FHIT: variants seen among roughly 807,000 people sequenced by gnomAD.
FHIT encodes the protein bis(5'-adenosyl)-triphosphatase.
In FHIT, 19 loss-of-function variants were observed where a neutral mutation model predicts 17.9. The ratio of observed to expected loss-of-function variants is 1.06; its 90% CI spans 0.74 to 1.56. FHIT has a LOEUF of 1.56. FHIT is among the 40% of genes most tolerant of loss of function. The pLI is 0.00. For synonymous variants in FHIT, 81 were observed against 69.7 expected, an observed-to-expected ratio of 1.16 and a Z score of -0.81; for missense variants, 248 against 189.2, an observed-to-expected ratio of 1.31 and a Z score of -1.82.
intron 5 of FHIT, among the ~76,000 whole-genome samples, chr3:60,498,663 C>T (rs2034400843): frequency 6.6e-6 from 1 of 152,102 alleles, no homozygotes; most frequent in African/African-American, 2.4e-5. Flanking sequence ...ATTTGTACTC[C>T]ACTGCACTAG....
intron 4 of FHIT, among the ~76,000 whole-genome samples, chr3:60,793,154 T>A (rs1315724691): frequency 6.6e-6 from 1 of 152,238 alleles, no homozygotes; most frequent in Non-Finnish European, 1.5e-5. Context: ...CATTTGATTC[T>A]ATAGTATGTT....
chr3:61,206,518 T>G (rs1488563866), intron 1 of FHIT, among the ~76,000 whole-genome samples: 1 of 152,224 alleles, frequency 6.6e-6, no homozygotes, highest in South Asian at 2.1e-4. Flanking sequence ...TAGTTCTCCT[T>G]GAAGAGGTCC....
intron 5 of FHIT, among the ~76,000 whole-genome samples, chr3:60,235,483 G>A (rs1277769185): frequency 1.3e-5 from 2 of 152,032 alleles, no homozygotes; most frequent in Non-Finnish European, 2.9e-5. Flanking sequence ...GCTGGCCTCA[G>A]CCCCCAAAGT....
chr3:60,537,852 A>C (rs2036042040), intron 4 of FHIT, among the ~76,000 whole-genome samples: 1 of 152,174 alleles, frequency 6.6e-6, no homozygotes, highest in Middle Eastern at 3.2e-3. Context: ...AAACTACTTC[A>C]TTTTTCTAAT....
chr3:60,893,415 G>T (rs1553761139), intron 3 of FHIT, among the ~76,000 whole-genome samples: 1 of 152,082 alleles, frequency 6.6e-6, no homozygotes, highest in Non-Finnish European at 1.5e-5. Context: ...TTGTTATAGA[G>T]CCCTAGCCAA....
At chr3:59,794,553 C>T (rs1344541175) in intron 8 of FHIT, among the ~76,000 whole-genome samples, 2 of 152,192 alleles carry the variant, frequency 1.3e-5, no homozygotes, top group African/African-American at 4.8e-5. Context: ...TTTATATGCA[C>T]CTTTATATGT....
At chr3:59,968,637 C>G (rs764388281) in intron 7 of FHIT, among the ~76,000 whole-genome samples, 9 of 152,086 alleles carry the variant, frequency 5.9e-5, no homozygotes, top group Non-Finnish European at 1.2e-4. Flanking sequence ...CAGAGACTCA[C>G]AGAAATGGCA....
chr3:60,530,495 A>C (rs905846625), intron 5 of FHIT, among the ~76,000 whole-genome samples: 1 of 152,188 alleles, frequency 6.6e-6, no homozygotes, highest in Admixed American at 6.5e-5. Context: ...TCTATGATAA[A>C]AAATAAAGAT....
At chr3:61,245,594 A>G (rs961599590) in intron 1 of FHIT, among the ~76,000 whole-genome samples, 7 of 152,232 alleles carry the variant, frequency 4.6e-5, no homozygotes, top group Non-Finnish European at 1.0e-4. Context: ...TATGCACATT[A>G]AAATTAAAGA....
chr3:60,426,082 G>A (rs1421527828), intron 5 of FHIT, among the ~76,000 whole-genome samples: 1 of 152,150 alleles, frequency 6.6e-6, no homozygotes, highest in Admixed American at 6.6e-5. Flanking sequence ...CAATGGTCAA[G>A]AGCCTGGGCT....
At chr3:59,989,975 A>T (rs1019769580) in intron 7 of FHIT, among the ~76,000 whole-genome samples, 6 of 152,092 alleles carry the variant, frequency 3.9e-5, no homozygotes, top group Admixed American at 3.9e-4. Flanking sequence ...GGATGAGAAG[A>T]CAAACTCAGC....
chr3:60,406,870 T>C (rs1701881207), intron 5 of FHIT, among the ~76,000 whole-genome samples: 2 of 152,240 alleles, frequency 1.3e-5, no homozygotes, highest in South Asian at 4.2e-4. Flanking sequence ...TCTCCCTAAA[T>C]TCTGAATCTT....
intron 5 of FHIT, among the ~76,000 whole-genome samples, chr3:60,484,769 C>T (rs1461727419): frequency 6.6e-6 from 1 of 152,150 alleles, no homozygotes; most frequent in East Asian, 1.9e-4. Flanking sequence ...GACGAAAATG[C>T]CAAAAGCAAT....
intron 4 of FHIT, among the ~76,000 whole-genome samples, chr3:60,744,129 C>T (rs1404227645): frequency 6.6e-6 from 1 of 151,902 alleles, no homozygotes; most frequent in Non-Finnish European, 1.5e-5. Context: ...ACAAAAGCTA[C>T]TATTTCAATG....
At chr3:60,481,429 G>A (rs1348979520) in intron 5 of FHIT, among the ~76,000 whole-genome samples, 2 of 152,128 alleles carry the variant, frequency 1.3e-5, no homozygotes, top group Non-Finnish European at 2.9e-5. Context: ...CAGAGAGAAA[G>A]GCCAGGTCAC....
rs1559698600 is a variant in FHIT at position 60,173,911 on chromosome 3, A to ATTTTTTTT, written c.104-159760_104-159759insAAAAAAAA. 8.6e-5 allele frequency among the ~76,000 whole-genome samples: 6 copies of ATTTTTTTT among 69,644 alleles called. 2 individuals are homozygous for ATTTTTTTT. Among genetic ancestry groups the ATTTTTTTT allele is most frequent in the Non-Finnish European group, 1.6e-4 (6 of 37,146 alleles). 45.7% of individuals were successfully genotyped at this position (69,644 alleles called of 152,430 possible). A position where few individuals can be genotyped will look rare whatever the true frequency, so the allele number is the denominator to read the frequency against. ...TATATATATATATATATATATATATATATATGTTTTTTTTTTTTTTTGAGA... is the reference window on the plus strand; with the variant it reads ...TATATATATATATATATATATATATATTTTTTTTTATATGTTTTTTTTTTTTTTTGAGA... On this transcript the variant is annotated intron_variant, in intron 5 of 9. Coordinates refer to ENST00000492590, the MANE Select transcript of FHIT (RefSeq NM_002012.4).
At chr3:60,518,390 C>T (rs1180399445) in intron 5 of FHIT, among the ~76,000 whole-genome samples, 1 of 152,096 alleles carries the variant, frequency 6.6e-6, no homozygotes, top group South Asian at 2.1e-4. Context: ...ACTCCACTAG[C>T]AATTAGATAA....
chr3:60,991,341 A>T (rs556133967), intron 3 of FHIT, among the ~76,000 whole-genome samples: 3 of 152,338 alleles, frequency 2.0e-5, no homozygotes, highest in African/African-American at 7.2e-5. Flanking sequence ...GAGTGGGGGC[A>T]GGAGCAGATC....
chr3:59,760,285 G>A (rs1288477836), intron 8 of FHIT, among the ~76,000 whole-genome samples: 4 of 152,124 alleles, frequency 2.6e-5, no homozygotes, highest in Non-Finnish European at 5.9e-5. Flanking sequence ...CCAAAAGTAA[G>A]TATTAACTAG....
Sources: gnomAD v4.1 joint callset for allele counts (sites outside exome capture counted in the v4.1 genomes callset) on GRCh38, gnomAD v4.1.1 for gene constraint, MANE v1.5 for transcripts, NCBI Gene and HGNC (gene_info 2026-07-23, HGNC 2026-07-21) for gene names.